IFT56: variants seen among roughly 807,000 people sequenced by gnomAD.
IFT56 encodes intraflagellar transport protein 56.
At chr7:139,166,824 C>T in the IFT56 span, 2 of 1,516,846 alleles carry the variant, frequency 1.3e-6, no homozygotes, top group Non-Finnish European at 1.8e-6. Flanking sequence ...AGTATAATTA[C>T]TTTGTTGTAT....
the IFT56 span, among the ~76,000 whole-genome samples, chr7:139,186,231 C>A: frequency 6.6e-6 from 1 of 151,892 alleles, no homozygotes; most frequent in Non-Finnish European, 1.5e-5. Context: ...AGTTTGAGAC[C>A]CACCTGGGCA....
At chr7:139,180,446 A>G in the IFT56 span, among the ~76,000 whole-genome samples, 1 of 152,316 alleles carries the variant, frequency 6.6e-6, no homozygotes, top group East Asian at 1.9e-4. Flanking sequence ...ACAGTTGCTC[A>G]CACCTGTAAT....
chr7:139,160,855 A>G, the IFT56 span: 1 of 897,712 alleles, frequency 1.1e-6, no homozygotes, highest in African/African-American at 1.7e-5. Flanking sequence ...ATAGCATGTT[A>G]AATTCTTTGT....
At chr7:139,178,477 T>C in the IFT56 span, 39 of 1,572,386 alleles carry the variant, frequency 2.5e-5, no homozygotes, top group East Asian at 7.8e-4. Context: ...TTTTATATGT[T>C]AATTCTCAGT....
chr7:139,168,234 G>A, the IFT56 span: 24 of 602,268 alleles, frequency 4.0e-5, no homozygotes, highest in Non-Finnish European at 6.3e-5. Flanking sequence ...AAGTAACTGT[G>A]GGTAATCTTT....
chr7:139,172,407 T>G, the IFT56 span: 2 of 348,148 alleles, frequency 5.7e-6, no homozygotes, highest in Non-Finnish European at 1.1e-5. Context: ...CAGGTGGGCA[T>G]TGTATTTGTG....
the IFT56 span, among the ~76,000 whole-genome samples, chr7:139,137,321 C>G: frequency 2.6e-5 from 4 of 152,164 alleles, no homozygotes; most frequent in Non-Finnish European, 4.4e-5. Flanking sequence ...CTAGCCTGCT[C>G]AAGGGTAATA....
the IFT56 span, among the ~76,000 whole-genome samples, chr7:139,153,022 G>A: frequency 7.2e-5 from 11 of 151,966 alleles, no homozygotes; most frequent in Middle Eastern, 6.8e-3. Context: ...GGCCACGTGC[G>A]CCTGTAGTCC....
At chr7:139,149,920 T>C in the IFT56 span, among the ~76,000 whole-genome samples, 1 of 152,018 alleles carries the variant, frequency 6.6e-6, no homozygotes, top group African/African-American at 2.4e-5. Flanking sequence ...TATATAGATA[T>C]AGGTAGATAC....
chr7:139,167,180 A>G, the IFT56 span, among the ~76,000 whole-genome samples: 1 of 152,238 alleles, frequency 6.6e-6, no homozygotes, highest in African/African-American at 2.4e-5. Flanking sequence ...ATGAAAATTT[A>G]GAATTCTGAT....
the IFT56 span, among the ~76,000 whole-genome samples, chr7:139,146,447 A>G: frequency 2.0e-5 from 3 of 152,190 alleles, no homozygotes; most frequent in African/African-American, 7.2e-5. Flanking sequence ...TTGATTCCCT[A>G]TTGTCTACCA....
the IFT56 span, chr7:139,189,705 A>G: frequency 2.5e-5 from 6 of 235,612 alleles, no homozygotes; most frequent in Admixed American, 2.2e-4. Context: ...CTTTTATGCA[A>G]TTTACTGACT....
At chr7:139,167,834 G>C in the IFT56 span, among the ~76,000 whole-genome samples, 3 of 151,800 alleles carry the variant, frequency 2.0e-5, no homozygotes, top group Non-Finnish European at 4.4e-5. Flanking sequence ...CCAGCTACTC[G>C]GGAGGCTGAG....
chr7:139,157,146 T>C, the IFT56 span, among the ~76,000 whole-genome samples: 540 of 102,784 alleles, frequency 5.3e-3, 2 homozygotes, highest in African/African-American at 0.03. Flanking sequence ...TTTCTTTTTT[T>C]TTTTTTTTTT....
the IFT56 span, among the ~76,000 whole-genome samples, chr7:139,150,412 C>A: frequency 6.6e-6 from 1 of 152,104 alleles, no homozygotes; most frequent in Non-Finnish European, 1.5e-5. Flanking sequence ...CTGTATATGT[C>A]TTTTCCATAG....
At chr7:139,172,836 G>A in the IFT56 span, 6 of 669,938 alleles carry the variant, frequency 9.0e-6, no homozygotes, top group African/African-American at 3.6e-5. Flanking sequence ...CAAAGCCAGC[G>A]AACACTGTAC....
At chr7:139,158,391 TATTTCATCATTAAGAAATGGC>T in the IFT56 span, among the ~76,000 whole-genome samples, 1 of 151,822 alleles carries the variant, frequency 6.6e-6, no homozygotes, top group Admixed American at 6.6e-5. Flanking sequence ...CTTTTGATGA[TATTTCATCATTAAGAAATGGC>T]ATTTCATCAT....
the IFT56 span, among the ~76,000 whole-genome samples, chr7:139,163,162 G>A: frequency 6.6e-6 from 1 of 151,838 alleles, no homozygotes. Context: ...GATTAACACG[G>A]TGAAACCCCG....
At chr7:139,178,360 G>C in the IFT56 span, 1 of 1,512,684 alleles carries the variant, frequency 6.6e-7, no homozygotes, top group Middle Eastern at 1.7e-4. Flanking sequence ...ATGTGTCAGA[G>C]AAGATAAGAT....
Sources: gnomAD v4.1 joint callset for allele counts (sites outside exome capture counted in the v4.1 genomes callset) on GRCh38, gnomAD v4.1.1 for gene constraint, MANE v1.5 for transcripts, NCBI Gene and HGNC (gene_info 2026-07-23, HGNC 2026-07-21) for gene names.